Variants in PTPRD observed in about 807,000 individuals in gnomAD.
The protein encoded by PTPRD is protein tyrosine phosphatase receptor type D.
PTPRD carries 34 observed loss-of-function variants against 214.5 expected under a neutral mutation model. The observed-to-expected ratio is 0.16, with a 90% CI of 0.12 to 0.21. The LOEUF (loss-of-function observed/expected upper bound fraction) is 0.21. PTPRD is among the 10% of genes least tolerant of loss of function. The probability of loss-of-function intolerance (pLI) is 1.00; values close to 1 mark genes in which losing one functional copy is unlikely to be tolerated. For missense variants in PTPRD, 2,545 were observed against 2,398.7 expected (o/e 1.06, Z -1.27); for synonymous variants, 1,128 against 845.7 (o/e 1.33, Z -5.79).
chr9:8,719,582 C>T (rs1597892469), intron 12 of PTPRD, among the ~76,000 whole-genome samples: 1 of 152,118 alleles, frequency 6.6e-6, no homozygotes, highest in Non-Finnish European at 1.5e-5. Context: ...ACAATCTGGC[C>T]CACTGCACGT....
chr9:9,886,646 T>C (rs899600882), intron 5 of PTPRD, among the ~76,000 whole-genome samples: 2 of 152,152 alleles, frequency 1.3e-5, no homozygotes, highest in African/African-American at 4.8e-5. Context: ...GCTCCTTGAA[T>C]CTGGGCAGGA....
At chr9:9,042,604 T>C (rs1036322692) in intron 10 of PTPRD, among the ~76,000 whole-genome samples, 1 of 89,568 alleles carries the variant, frequency 1.1e-5, no homozygotes, top group Non-Finnish European at 2.6e-5. Context: ...TAGCATTTTT[T>C]CTTTTTTTTC....
Position 8,460,182 on chromosome 9 carries a change from T to G in PTPRD, c.3875+229A>C, listed in dbSNP as rs533881802. The G allele has an allele frequency of 5.3e-6, 3 of 567,652 alleles. No homozygotes were observed. In the South Asian group the frequency reaches 6.0e-5, roughly 11 times the overall value. 35.2% of individuals were successfully genotyped at this position (567,652 alleles called of 1,614,324 possible). ...CAGCTCAGAAGATTGGAGGCCAGAATAGATGCATGTTGGACAACAGAAGTC... is the reference window on the plus strand; with the variant it reads ...CAGCTCAGAAGATTGGAGGCCAGAAGAGATGCATGTTGGACAACAGAAGTC... On this transcript the variant is annotated intron_variant, in intron 33 of 45. Coordinates refer to ENST00000381196, the MANE Select transcript of PTPRD (RefSeq NM_002839.4).
intron 3 of PTPRD, among the ~76,000 whole-genome samples, chr9:10,288,975 G>A (rs1444699868): frequency 1.3e-5 from 2 of 150,650 alleles, no homozygotes; most frequent in African/African-American, 4.9e-5. Context: ...ATAAGATGTA[G>A]AATAACCAAG....
chr9:10,414,738 C>T (rs1365666496), intron 2 of PTPRD, among the ~76,000 whole-genome samples: 1 of 151,914 alleles, frequency 6.6e-6, no homozygotes, highest in Non-Finnish European at 1.5e-5. Context: ...TACACATACA[C>T]CATGGAATAC....
intron 8 of PTPRD, among the ~76,000 whole-genome samples, chr9:9,444,802 A>T (rs917126300): frequency 2.1e-4 from 32 of 152,282 alleles, no homozygotes; most frequent in Middle Eastern, 3.4e-3. Context: ...GATAGCTGCA[A>T]ATTATGCCCC....
intron 5 of PTPRD, among the ~76,000 whole-genome samples, chr9:9,797,184 C>T (rs1411759470): frequency 6.9e-6 from 1 of 143,984 alleles, no homozygotes; most frequent in Admixed American, 7.1e-5. Context: ...ACAACATATG[C>T]ATAAAATATC....
rs564466099 is a variant in PTPRD, at chr9:8,675,935, C to T, written c.65-39091G>A. 3.9e-5 allele frequency among the ~76,000 whole-genome samples: 6 copies of T among 152,262 alleles called. No homozygotes were observed. In the East Asian group the frequency reaches 1.2e-3, roughly 29 times the overall value. ...TCCCTCTGTGACATACTGCAATGTG[C>T]TCCTGGTCCCTGACCTTCGGGATCA... On this transcript the variant is annotated intron_variant, in intron 12 of 45. Coordinates refer to ENST00000381196, the MANE Select transcript of PTPRD (RefSeq NM_002839.4).
chr9:9,420,533 A>T (rs193267854), intron 8 of PTPRD, among the ~76,000 whole-genome samples: 53 of 152,064 alleles, frequency 3.5e-4, no homozygotes, highest in African/African-American at 1.3e-3. Flanking sequence ...AATTTTACAA[A>T]TGTGAATAAC....
chr9:8,338,772 T>TAAAC (rs1849425401), intron 43 of PTPRD, 150 bp downstream of exon 43: 10 of 600,438 alleles, frequency 1.7e-5, no homozygotes, highest in East Asian at 6.1e-5. Context: ...TCTTACATAT[T>TAAAC]AAACATAAAA....
intron 35 of PTPRD, among the ~76,000 whole-genome samples, chr9:8,425,771 C>A (rs1328214183): frequency 6.6e-6 from 1 of 152,042 alleles, no homozygotes; most frequent in Admixed American, 6.6e-5. Context: ...TGAAGGCATT[C>A]AAGCTACTCC....
At chr9:8,575,225 T>G (rs1199108737) in intron 14 of PTPRD, among the ~76,000 whole-genome samples, 1 of 152,128 alleles carries the variant, frequency 6.6e-6, no homozygotes, top group African/African-American at 2.4e-5. Flanking sequence ...TTAACTCAAA[T>G]CACTTGTGTT....
intron 5 of PTPRD, among the ~76,000 whole-genome samples, chr9:9,920,046 C>A (rs1473205113): frequency 2.0e-5 from 3 of 151,888 alleles, no homozygotes; most frequent in African/African-American, 7.3e-5. Context: ...GGGATTTAAC[C>A]CATAAGCAGC....
intron 14 of PTPRD, among the ~76,000 whole-genome samples, chr9:8,545,269 T>C (rs981241734): frequency 6.6e-6 from 1 of 152,214 alleles, no homozygotes; most frequent in South Asian, 2.1e-4. Flanking sequence ...AAAGATAATA[T>C]TGTTTGTTCA....
chr9:8,509,880 C>T (rs16928072), intron 21 of PTPRD, among the ~76,000 whole-genome samples: 19,697 of 152,056 alleles, frequency 0.13, 1,299 homozygotes, highest in East Asian at 0.18. Context: ...GTTGGCTAGA[C>T]GACTTGATGC....
intron 5 of PTPRD, among the ~76,000 whole-genome samples, chr9:9,851,802 G>C (rs1017666428): frequency 6.6e-6 from 1 of 152,112 alleles, no homozygotes; most frequent in Non-Finnish European, 1.5e-5. Context: ...CAACAACTAA[G>C]TATAATTTCA....
intron 2 of PTPRD, among the ~76,000 whole-genome samples, chr9:10,343,457 T>A (rs1044105562): frequency 6.6e-6 from 1 of 152,136 alleles, no homozygotes; most frequent in African/African-American, 2.4e-5. Context: ...TGTGTCTTTA[T>A]AGTAGCATGA....
intron 3 of PTPRD, among the ~76,000 whole-genome samples, chr9:10,164,992 G>C (rs1296377369): frequency 6.6e-6 from 1 of 151,530 alleles, no homozygotes; most frequent in Non-Finnish European, 1.5e-5. Context: ...TTAAGGATAA[G>C]AAAAGGGGAA....
intron 2 of PTPRD, among the ~76,000 whole-genome samples, chr9:10,595,019 C>T (rs1229998988): frequency 4.0e-5 from 1 of 25,260 alleles, no homozygotes. Context: ...CTTAATTATT[C>T]AAATAACTAT....
Sources: gnomAD v4.1 joint callset for allele counts (sites outside exome capture counted in the v4.1 genomes callset) on GRCh38, gnomAD v4.1.1 for gene constraint, MANE v1.5 for transcripts, NCBI Gene and HGNC (gene_info 2026-07-23, HGNC 2026-07-21) for gene names.